OVOL1: variants seen among roughly 807,000 people sequenced by gnomAD.
OVOL1 encodes putative transcription factor Ovo-like 1.
OVOL1 carries 10 observed loss-of-function variants against 21.5 expected under a neutral mutation model. That is an observed-to-expected ratio of 0.46 (90% CI 0.29 to 0.79). The LOEUF (loss-of-function observed/expected upper bound fraction) is 0.79, where lower values mean the gene tolerates loss of function less well. Among genes scored for constraint, OVOL1 ranks in the 30% least tolerant of loss-of-function variants. The pLI is 0.10. For missense variants in OVOL1, 279 were observed against 362.3 expected (o/e 0.77, Z 1.87); for synonymous variants, 129 against 150.3 (o/e 0.86, Z 1.03).
Position 65,794,531 on chromosome 11 carries a change from C to T in OVOL1, c.319-7C>T, listed in dbSNP as rs1417033230. 5 of 1,611,446 alleles carry T rather than the reference C, an allele frequency of 3.1e-6. No homozygotes were observed. In the South Asian group the frequency reaches 5.5e-5, roughly 18 times the overall value. On this transcript the variant is annotated splice_polypyrimidine_tract_variant and splice_region_variant and intron_variant, in intron 2 of 3. Coordinates refer to ENST00000335987, the MANE Select transcript of OVOL1 (RefSeq NM_004561.4). Reference sequence around the variant, plus strand: ...ATGTCTGTCAGCAATGCCGTCCTCACCCACAGGTGACCCTTGGGGACAGTC... The same window carrying T: ...ATGTCTGTCAGCAATGCCGTCCTCATCCACAGGTGACCCTTGGGGACAGTC...
At chr11:65,791,803 C>G (rs1453382545) in intron 1 of OVOL1, among the ~76,000 whole-genome samples, 1 of 152,334 alleles carries the variant, frequency 6.6e-6, no homozygotes, top group South Asian at 2.1e-4. Context: ...GTAGTCATAG[C>G]GCCACCGCCT....
At chr11:65,793,349 G>A (rs147917233) in intron 1 of OVOL1, among the ~76,000 whole-genome samples, 116 of 152,342 alleles carry the variant, frequency 7.6e-4, no homozygotes, top group African/African-American at 2.5e-3. Context: ...CGGTCCTGCC[G>A]AGGGGGAGGG....
chr11:65,794,978 C>A, intron 3 of OVOL1, 68 bp from the exon 4 acceptor site: 1 of 1,519,602 alleles, frequency 6.6e-7, no homozygotes, highest in South Asian at 1.2e-5. Context: ...CTTTCTGTGT[C>A]TGGAAGCAGC....
chr11:65,795,095 C>T lies in OVOL1; in HGVS notation c.558C>T (p.Arg186=). ...TGTGTGACAAGGCCTTCACGCAGCG[C>T]TGCTCTCTGGAGTCTCACCTCAAGA... ...CSLCDKAFTQ[R]CSLESHLKKI... Residue 186 remains arginine, a synonymous_variant, in exon 4 of 4, where the codon CGC becomes CGT. Coordinates refer to ENST00000335987, the MANE Select transcript of OVOL1 (RefSeq NM_004561.4). This position sits in a 1 kb window ranked among gnomAD's most constrained non-coding sequence, Gnocchi z 5.7. 6.2e-7 allele frequency: 1 copy of T among 1,613,686 alleles called. No individual in the cohort carries two copies. The highest frequency in any genetic ancestry group is 8.5e-7 in the Non-Finnish European group (1 of 1,180,020).
intron 1 of OVOL1, 116 bp from the exon 2 acceptor site, chr11:65,793,915 C>T (rs140609671): frequency 0.022 from 16,972 of 754,960 alleles, 249 homozygotes; most frequent in Non-Finnish European, 0.03. Context: ...TGCATGCCTG[C>T]GATGGGAGGG....
rs1253435859 is a variant in OVOL1 at position 65,794,094 on chromosome 11, C to G, written c.164C>G (p.Pro55Arg). 2 of 1,614,068 alleles carry G rather than the reference C, an allele frequency of 1.2e-6. No individual in the cohort carries two copies. The highest frequency in any genetic ancestry group is 1.1e-5 in the South Asian group (1 of 91,088). ...REPEPSVAEP[P>R]SCPLALNMSL... is the part of the protein sequence containing the mutation. ...CCGGAACCCTCTGTGGCCGAACCCC[C>G]TTCCTGCCCGCTGGCTTTGAACATG... The change falls in exon 2 of 4, where the codon CCT (proline) becomes CGT (arginine). Residue 55 changes from proline (P) to arginine (R), a missense_variant. By Grantham distance (103) the Pro-to-Arg change is moderately radical. Coordinates refer to ENST00000335987, the MANE Select transcript of OVOL1 (RefSeq NM_004561.4).
Position 65,787,304 on chromosome 11 carries a change from C to A in OVOL1, c.-70C>A. 1 of 1,313,500 alleles carries A rather than the reference C, an allele frequency of 7.6e-7. No homozygotes were observed. The highest frequency in any genetic ancestry group is 1.1e-6 in the Non-Finnish European group (1 of 940,872). The allele number at this position is 1,313,500 out of a possible 1,614,324, so 81.4% of individuals were successfully genotyped here. On this transcript the variant is annotated 5_prime_UTR_variant, in exon 1 of 4. Coordinates refer to ENST00000335987, the MANE Select transcript of OVOL1 (RefSeq NM_004561.4). ...CCCCGTTCCCGGCGTTCAGCCCGGCCCCGCAAAGGTGGGACGGCTCCCGGC... is the reference window on the plus strand; with the variant it reads ...CCCCGTTCCCGGCGTTCAGCCCGGCACCGCAAAGGTGGGACGGCTCCCGGC...
chr11:65,793,860 C>T lies in OVOL1; in HGVS notation c.101-171C>T, dbSNP rs1858071636. 1.2e-5 allele frequency: 7 copies of T among 607,288 alleles called. 1 individual carries two copies. Among genetic ancestry groups the T allele is most frequent in the South Asian group, 9.8e-5 (5 of 50,794 alleles). The allele number at this position is 607,288 out of a possible 1,614,324, so 37.6% of individuals were successfully genotyped here. On this transcript the variant is annotated intron_variant, in intron 1 of 3. Coordinates refer to ENST00000335987, the MANE Select transcript of OVOL1 (RefSeq NM_004561.4). ...ATCACCTGCAATTACCTTAATAGGG[C>T]GGGAAGGCGGTGCAGCAGTGGTGGT...
intron 1 of OVOL1, 113 bp from the exon 2 acceptor site, chr11:65,793,918 T>C: frequency 1.3e-6 from 1 of 771,330 alleles, no homozygotes; most frequent in Admixed American, 2.4e-5. Context: ...ATGCCTGCGA[T>C]GGGAGGGACG....
chr11:65,793,234 C>A (rs1488539128), intron 1 of OVOL1, among the ~76,000 whole-genome samples: 1 of 152,224 alleles, frequency 6.6e-6, no homozygotes, highest in African/African-American at 2.4e-5. Context: ...CCTCCCCGGC[C>A]CGTTCGGTGT....
intron 1 of OVOL1, among the ~76,000 whole-genome samples, chr11:65,792,057 G>A (rs1238015781): frequency 6.6e-6 from 1 of 152,202 alleles, no homozygotes; most frequent in Non-Finnish European, 1.5e-5. Context: ...AGCCTCCTCT[G>A]CCCCTCGCTC....
At chr11:65,788,865 T>C in intron 1 of OVOL1, 2 of 985,454 alleles carry the variant, frequency 2.0e-6, no homozygotes, top group Non-Finnish European at 2.4e-6. Context: ...CTCAGAATTC[T>C]GTGTATAGCT....
chr11:65,795,023 G>C lies in OVOL1; in HGVS notation c.509-23G>C. On this transcript the variant is annotated intron_variant, in intron 3 of 3. Transcript: ENST00000335987. The surrounding 1 kb of genome is among the most constrained non-coding windows in gnomAD (Gnocchi z 5.7). ...CTGAAGTCCCTGCCAGGTCTCTGAT[G>C]CTGGCCCCTGTCCTCCCCACAGGCG... The C allele has an allele frequency of 6.2e-7, 1 of 1,605,656 alleles. No homozygotes were observed. Among genetic ancestry groups the C allele is most frequent in the Non-Finnish European group, 8.5e-7 (1 of 1,176,448 alleles).
chr11:65,796,081 A>G lies in OVOL1; in HGVS notation c.*740A>G, dbSNP rs754584402. On this transcript the variant is annotated 3_prime_UTR_variant, in exon 4 of 4. Coordinates refer to ENST00000335987, the MANE Select transcript of OVOL1 (RefSeq NM_004561.4). ...AGATGTTAATATATTTTTGGTGCCA[A>G]TGGCGATGTTTTTAAGAGTGGGATG... The G allele has an allele frequency of 6.6e-6, 1 of 152,646 alleles. No homozygotes were observed. The highest frequency in any genetic ancestry group is 1.5e-5 in the Non-Finnish European group (1 of 68,108). The allele number at this position is 152,646 out of a possible 1,614,324, so 9.5% of individuals were successfully genotyped here.
At position 65,794,606 on chromosome 11, in the gene OVOL1, C is replaced by T. The variant is rs752871325; in HGVS notation, c.387C>T (p.Tyr129=). 1 of 1,613,482 alleles carries T rather than the reference C, an allele frequency of 6.2e-7. No individual in the cohort carries two copies. The highest frequency in any genetic ancestry group is 1.7e-5 in the Admixed American group (1 of 60,022). Reference sequence around the variant, plus strand: ...GTGTCTGCCAGAAGGCCTTCACCTACCAGCGCATGCTGAACCGCCACATGA... The same window carrying T: ...GTGTCTGCCAGAAGGCCTTCACCTATCAGCGCATGCTGAACCGCCACATGA... ...TCRVCQKAFT[Y]QRMLNRHMKC... The change falls in exon 3 of 4, where the codon TAC becomes TAT. Residue 129 remains tyrosine, a synonymous_variant. Transcript: ENST00000335987.
At chr11:65,787,571 G>C in intron 1 of OVOL1, 98 bp downstream of exon 1, 1 of 521,786 alleles carries the variant, frequency 1.9e-6, no homozygotes, top group Non-Finnish European at 2.6e-6. Context: ...GGCGGCAGGC[G>C]CGGTGTGGGC....
At chr11:65,792,951 T>C (rs1488862781) in intron 1 of OVOL1, among the ~76,000 whole-genome samples, 2 of 152,250 alleles carry the variant, frequency 1.3e-5, no homozygotes, top group Admixed American at 6.5e-5. Flanking sequence ...CACAGGGCCG[T>C]GCTCCTGCTT....
In OVOL1 at chr11:65,787,086, C is replaced by G; in HGVS notation, c.-288C>G. ...TCGCACTTTAAGACTTCCCGAGCGGCGGCGGGGACGCCAGTCGAGCCGGGA... is the reference window on the plus strand; with the variant it reads ...TCGCACTTTAAGACTTCCCGAGCGGGGGCGGGGACGCCAGTCGAGCCGGGA... On this transcript the variant is annotated 5_prime_UTR_variant, in exon 1 of 4. Coordinates refer to ENST00000335987, the MANE Select transcript of OVOL1 (RefSeq NM_004561.4). 1 of 292,944 alleles carries G rather than the reference C, an allele frequency of 3.4e-6. No homozygotes were observed. Among genetic ancestry groups the G allele is most frequent in the Non-Finnish European group, 6.8e-6 (1 of 146,502 alleles). 18.1% of individuals were successfully genotyped at this position (292,944 alleles called of 1,614,324 possible). A position where few individuals can be genotyped will look rare whatever the true frequency, so the allele number is the denominator to read the frequency against.
chr11:65,795,557 G>T lies in OVOL1; in HGVS notation c.*216G>T. Reference sequence around the variant, plus strand: ...TTGCATTTTTGACTTATGGGCCGAGGCTGTTCTGAGCCTGGGAAGATGTAC... The same window carrying T: ...TTGCATTTTTGACTTATGGGCCGAGTCTGTTCTGAGCCTGGGAAGATGTAC... On this transcript the variant is annotated 3_prime_UTR_variant, in exon 4 of 4. Coordinates refer to ENST00000335987, the MANE Select transcript of OVOL1 (RefSeq NM_004561.4). The surrounding 1 kb of genome is among the most constrained non-coding windows in gnomAD (Gnocchi z 5.7). 1.7e-6 allele frequency: 1 copy of T among 596,418 alleles called. No individual in the cohort carries two copies. Among genetic ancestry groups the T allele is most frequent in the South Asian group, 2.0e-5 (1 of 49,906 alleles). 36.9% of individuals were successfully genotyped at this position (596,418 alleles called of 1,614,324 possible).
Sources: allele counts gnomAD v4.1 joint callset (sites outside exome capture counted in the v4.1 genomes callset), GRCh38; gene constraint gnomAD v4.1.1; non-coding constraint Gnocchi (gnomAD v3.1); transcripts MANE v1.5; gene names NCBI Gene and HGNC (gene_info 2026-07-23, HGNC 2026-07-21).